WWC1: variants seen among roughly 807,000 people sequenced by gnomAD.
WWC1 encodes WW and C2 domain containing 1.
A neutral mutation model predicts 138.4 loss-of-function variants in WWC1; 55 were observed. That is an observed-to-expected ratio of 0.40 (90% CI 0.32 to 0.50). The LOEUF (loss-of-function observed/expected upper bound fraction) is 0.50. Ranked by LOEUF, WWC1 falls within the 20% of genes least tolerant of loss-of-function variation. The pLI is 0.72. For synonymous variants in WWC1, 524 were observed against 564.9 expected (o/e 0.93, Z 1.03); for missense variants, 1,226 against 1,420.4 (o/e 0.86, Z 2.20).
At chr5:168,460,555 G>A (rs937773798) in intron 19 of WWC1, 95 bp from the exon 20 acceptor site, 4 of 1,146,894 alleles carry the variant, frequency 3.5e-6, no homozygotes, top group African/African-American at 3.0e-5. Flanking sequence ...GAAGGACTGT[G>A]CCGAGTGGAG....
At chr5:168,378,755 T>C (rs1396971245) in intron 2 of WWC1, among the ~76,000 whole-genome samples, 3 of 152,236 alleles carry the variant, frequency 2.0e-5, no homozygotes, top group Admixed American at 1.3e-4. Context: ...TCGTTTCTTT[T>C]GACTTTTGAT....
chr5:168,439,058 T>C (rs1244349579), intron 15 of WWC1, among the ~76,000 whole-genome samples: 1 of 152,154 alleles, frequency 6.6e-6, no homozygotes, highest in African/African-American at 2.4e-5. Context: ...CATATGATCA[T>C]GGTCACTCCC....
intron 3 of WWC1, among the ~76,000 whole-genome samples, chr5:168,391,823 A>G (rs1778535461): frequency 6.8e-6 from 1 of 147,730 alleles, no homozygotes; most frequent in African/African-American, 2.5e-5. Flanking sequence ...AAGAAAGAAC[A>G]GCAATAAAAT....
At chr5:168,445,727 A>G (rs908292698) in intron 17 of WWC1, among the ~76,000 whole-genome samples, 1 of 139,610 alleles carries the variant, frequency 7.2e-6, no homozygotes, top group Non-Finnish European at 1.5e-5. Context: ...AAAAAAAAAG[A>G]GTAAGCAGTC....
intron 17 of WWC1, among the ~76,000 whole-genome samples, chr5:168,452,041 G>T (rs559073397): frequency 6.6e-6 from 1 of 151,904 alleles, no homozygotes; most frequent in African/African-American, 2.4e-5. Context: ...GAGTAGCTGG[G>T]ATTACAGGTG....
chr5:168,328,727 G>A (rs1302434923), intron 1 of WWC1, among the ~76,000 whole-genome samples: 1 of 152,102 alleles, frequency 6.6e-6, no homozygotes, highest in Non-Finnish European at 1.5e-5. Context: ...AGTAGAGACG[G>A]GGTTTCACCA....
At chr5:168,402,849 G>C (rs1779408136) in intron 5 of WWC1, among the ~76,000 whole-genome samples, 1 of 152,102 alleles carries the variant, frequency 6.6e-6, no homozygotes, top group Non-Finnish European at 1.5e-5. Context: ...GTCTAACAGG[G>C]ATGCTATCCA....
At chr5:168,394,484 G>GT (rs1446747530) in intron 3 of WWC1, among the ~76,000 whole-genome samples, 3 of 113,488 alleles carry the variant, frequency 2.6e-5, no homozygotes, top group African/African-American at 1.0e-4. Context: ...CCCAGCACTT[G>GT]GGGGGCCGAG....
At chr5:168,299,787 G>A (rs1223000100) in intron 1 of WWC1, among the ~76,000 whole-genome samples, 7 of 152,184 alleles carry the variant, frequency 4.6e-5, no homozygotes, top group Admixed American at 4.6e-4. Flanking sequence ...CCACCGTCTT[G>A]CTGCACGGTT....
At chr5:168,409,827 C>A in intron 7 of WWC1, 95 bp from the exon 8 acceptor site, 1 of 1,292,358 alleles carries the variant, frequency 7.7e-7, no homozygotes, top group Non-Finnish European at 1.1e-6. Flanking sequence ...GGCTACTGCC[C>A]ACGCAAGCTG....
intron 1 of WWC1, among the ~76,000 whole-genome samples, chr5:168,363,929 G>A (rs1776086083): frequency 6.6e-6 from 1 of 152,128 alleles, no homozygotes; most frequent in South Asian, 2.1e-4. Context: ...ACTGATAATG[G>A]TGGGTGTGGT....
intron 1 of WWC1, among the ~76,000 whole-genome samples, chr5:168,331,173 C>T (rs2152766947): frequency 6.6e-6 from 1 of 152,290 alleles, no homozygotes; most frequent in African/African-American, 2.4e-5. Flanking sequence ...ACCTTGTGGA[C>T]ACTGACAAGT....
chr5:168,463,903 G>A (rs1757025537), intron 20 of WWC1, among the ~76,000 whole-genome samples: 1 of 152,162 alleles, frequency 6.6e-6, no homozygotes. Flanking sequence ...ACCATGATCA[G>A]TCCCAGGTTT....
intron 1 of WWC1, among the ~76,000 whole-genome samples, chr5:168,348,360 C>T (rs952053511): frequency 2.0e-5 from 3 of 152,226 alleles, no homozygotes; most frequent in African/African-American, 7.2e-5. Context: ...GGCACATCCT[C>T]AGGATGTTTG....
At position 168,305,064 on chromosome 5, in the gene WWC1, A is replaced by T. The variant is rs1216982380; in HGVS notation, c.119+12793A>T. On this transcript the variant is annotated intron_variant, in intron 1 of 22. Coordinates refer to ENST00000265293, the MANE Select transcript of WWC1 (RefSeq NM_015238.3). The stretch of plus-strand genomic sequence containing the variant: ...GGTCTCGAACTCCCAACCTCAGGTG[A>T]TCCACCCGCCTCAGCCTCCCAAATG... 5.3e-5 allele frequency among the ~76,000 whole-genome samples: 8 copies of T among 151,294 alleles called. No individual in the cohort carries two copies. In the South Asian group the frequency reaches 1.7e-3, roughly 32 times the overall value.
intron 16 of WWC1, 133 bp downstream of exon 16, chr5:168,441,967 A>AT: frequency 7.6e-7 from 1 of 1,321,798 alleles, no homozygotes; most frequent in Non-Finnish European, 1.0e-6. Context: ...TAGGAGAAGA[A>AT]GACAGGGAAG....
chr5:168,343,189 A>G (rs943446744), intron 1 of WWC1, among the ~76,000 whole-genome samples: 1 of 139,708 alleles, frequency 7.2e-6, no homozygotes, highest in Non-Finnish European at 1.6e-5. Context: ...TCACTGTGCT[A>G]GGAGATACAG....
chr5:168,466,094 A>G (rs1757275316), intron 21 of WWC1, among the ~76,000 whole-genome samples: 1 of 152,200 alleles, frequency 6.6e-6, no homozygotes, highest in Non-Finnish European at 1.5e-5. Flanking sequence ...GGGTTTATCT[A>G]TCTATGGCTA....
chr5:168,314,750 T>G (rs1771422259), intron 1 of WWC1, among the ~76,000 whole-genome samples: 1 of 152,014 alleles, frequency 6.6e-6, no homozygotes, highest in East Asian at 1.9e-4. Context: ...TGGGACTGGG[T>G]ACAGGTGGGG....
Sources: gnomAD v4.1 joint callset for allele counts (sites outside exome capture counted in the v4.1 genomes callset) on GRCh38, gnomAD v4.1.1 for gene constraint, MANE v1.5 for transcripts, NCBI Gene and HGNC (gene_info 2026-07-23, HGNC 2026-07-21) for gene names.